Variants in PREX2 observed in about 807,000 individuals in gnomAD.
PREX2 encodes the protein phosphatidylinositol-3,4,5-trisphosphate dependent Rac exchange factor 2.
PREX2 carries 107 observed loss-of-function variants against 203.2 expected under a neutral mutation model. The ratio of observed to expected loss-of-function variants is 0.53; its 90% CI spans 0.45 to 0.62. PREX2 has a LOEUF of 0.62. Ranked by LOEUF, PREX2 falls within the 20% of genes least tolerant of loss-of-function variation. The pLI is 0.00. For synonymous variants in PREX2, 672 were observed against 663.6 expected (o/e 1.01, Z -0.19); for missense variants, 1,777 against 1,955.9 (o/e 0.91, Z 1.72).
At chr8:68,019,458 G>C (rs1338322583) in intron 2 of PREX2, 91 bp from the exon 3 acceptor site, 1 of 1,040,594 alleles carries the variant, frequency 9.6e-7, no homozygotes, top group Non-Finnish European at 1.3e-6. Flanking sequence ...TGGATGTATG[G>C]TTTTCAGGTT....
chr8:67,960,360 C>T (rs762807531), intron 1 of PREX2, among the ~76,000 whole-genome samples: 38 of 151,854 alleles, frequency 2.5e-4, no homozygotes, highest in Non-Finnish European at 3.2e-4. Flanking sequence ...TTTTTTTTTC[C>T]CCTCCATAAA....
chr8:68,014,774 T>C (rs1435744244), intron 1 of PREX2, among the ~76,000 whole-genome samples: 1 of 152,174 alleles, frequency 6.6e-6, no homozygotes, highest in Admixed American at 6.5e-5. Flanking sequence ...TTTGAAAGAA[T>C]AAACATAAAG....
intron 8 of PREX2, among the ~76,000 whole-genome samples, chr8:68,046,748 G>A (rs78881395): frequency 0.015 from 2,252 of 152,052 alleles, 47 homozygotes; most frequent in African/African-American, 0.052. Flanking sequence ...TTTCTTGAAT[G>A]TATATAAGCA....
chr8:68,060,450 G>A (rs1461150553), intron 10 of PREX2, among the ~76,000 whole-genome samples: 1 of 152,206 alleles, frequency 6.6e-6, no homozygotes. Flanking sequence ...TTAAAACTAA[G>A]TATAGTTTAG....
Position 68,093,609 on chromosome 8 carries a change from A to T in PREX2, c.2255A>T (p.Asp752Val), listed in dbSNP as rs768316437. Residue 752 changes from aspartate to valine, a missense_variant, in exon 21 of 40, where the codon GAT becomes GTT. Physicochemically the swap from Asp to Val is radical, Grantham distance 152. Transcript: ENST00000288368. ...TCTTTCCCCCCTCATTTCCAGCAAG[A>T]TTCCATACAATGGGTTTATAATAGC... ...CRKYRRPTKQ[D>V]SIQWVYNSIE... The T allele has an allele frequency of 3.2e-6, 5 of 1,547,812 alleles. No individual in the cohort carries two copies. The highest frequency in any genetic ancestry group is 4.5e-5 in the East Asian group (2 of 44,332).
chr8:68,194,653 T>C (rs1217777961), intron 37 of PREX2, among the ~76,000 whole-genome samples: 3 of 150,982 alleles, frequency 2.0e-5, no homozygotes, highest in Non-Finnish European at 3.0e-5. Context: ...ATACAAAAAT[T>C]AGCCGGGCAT....
At chr8:68,177,200 C>A (rs909121401) in intron 35 of PREX2, 1 of 152,220 alleles carries the variant, frequency 6.6e-6, no homozygotes, top group South Asian at 2.1e-4. Flanking sequence ...TTGAATGCTA[C>A]CAGATTCTGT....
intron 38 of PREX2, among the ~76,000 whole-genome samples, chr8:68,221,741 G>A (rs889997195): frequency 1.3e-5 from 2 of 152,164 alleles, no homozygotes; most frequent in African/African-American, 4.8e-5. Context: ...TCTTCAGCAT[G>A]ACAGGCATCA....
chr8:68,219,304 T>C (rs1396000931), intron 38 of PREX2, among the ~76,000 whole-genome samples: 1 of 150,244 alleles, frequency 6.7e-6, no homozygotes, highest in Non-Finnish European at 1.5e-5. Flanking sequence ...ATAGAGAAAA[T>C]AGAGAAAAAG....
At chr8:68,084,313 A>G (rs1261416531) in intron 18 of PREX2, among the ~76,000 whole-genome samples, 4 of 152,172 alleles carry the variant, frequency 2.6e-5, no homozygotes, top group Non-Finnish European at 5.9e-5. Context: ...TTTTAAAGCA[A>G]ATGAAATTTA....
chr8:68,104,445 C>T (rs1181966937), intron 23 of PREX2, among the ~76,000 whole-genome samples: 2 of 152,156 alleles, frequency 1.3e-5, no homozygotes, highest in African/African-American at 4.8e-5. Context: ...TGTGGCTTTG[C>T]ACTGGCTCTT....
intron 1 of PREX2, among the ~76,000 whole-genome samples, chr8:68,015,096 G>C (rs1807376588): frequency 6.6e-6 from 1 of 152,184 alleles, no homozygotes; most frequent in Non-Finnish European, 1.5e-5. Context: ...AATCCTTCAT[G>C]TATTTTTGTG....
chr8:67,953,504 G>A (rs1450212573), intron 1 of PREX2, among the ~76,000 whole-genome samples: 2 of 152,090 alleles, frequency 1.3e-5, no homozygotes, highest in African/African-American at 4.8e-5. Flanking sequence ...AGAACCAGGA[G>A]CTTTAGTTTT....
At chr8:68,058,185 C>T (rs1808735266) in intron 10 of PREX2, among the ~76,000 whole-genome samples, 1 of 152,168 alleles carries the variant, frequency 6.6e-6, no homozygotes, top group Admixed American at 6.5e-5. Context: ...TTCCTTTATT[C>T]TCGACCTCTC....
chr8:68,100,728 A>G (rs1198727213), intron 23 of PREX2, among the ~76,000 whole-genome samples: 3 of 152,174 alleles, frequency 2.0e-5, no homozygotes, highest in African/African-American at 7.2e-5. Context: ...GGACTTGGGA[A>G]GGAGTTTGGA....
chr8:68,053,285 ACT>A, intron 9 of PREX2, 39 bp downstream of exon 9: 1 of 1,604,792 alleles, frequency 6.2e-7, no homozygotes, highest in Non-Finnish European at 8.5e-7. Flanking sequence ...CTTTGTGAAG[ACT>A]CTAACTTAGC....
At chr8:68,149,523 G>A (rs534540275) in intron 34 of PREX2, among the ~76,000 whole-genome samples, 10 of 152,262 alleles carry the variant, frequency 6.6e-5, no homozygotes, top group African/African-American at 2.2e-4. Context: ...TACAGGACAG[G>A]GAATGCTGTT....
At chr8:67,976,566 G>GAGAGAGAGAC (rs1563480083) in intron 1 of PREX2, among the ~76,000 whole-genome samples, 1 of 67,200 alleles carries the variant, frequency 1.5e-5, no homozygotes, top group Non-Finnish European at 3.4e-5. Flanking sequence ...GAGAGAGACA[G>GAGAGAGAGAC]AGACAGAGAC....
chr8:68,041,291 G>C (rs1337021248), intron 7 of PREX2, among the ~76,000 whole-genome samples: 10 of 152,044 alleles, frequency 6.6e-5, no homozygotes, highest in African/African-American at 2.4e-4. Flanking sequence ...CAGACTTAAG[G>C]GAGAGTTATT....
Sources: allele counts gnomAD v4.1 joint callset (sites outside exome capture counted in the v4.1 genomes callset), GRCh38; gene constraint gnomAD v4.1.1; transcripts MANE v1.5; gene names NCBI Gene and HGNC (gene_info 2026-07-23, HGNC 2026-07-21).